The following MGMT variants were observed in gnomAD, a reference collection of about 807,000 sequenced individuals.
The protein encoded by MGMT is O-6-methylguanine-DNA methyltransferase.
Under a neutral mutation model 15.9 loss-of-function variants are expected in MGMT, and 14 were observed. The ratio of observed to expected loss-of-function variants is 0.88; its 90% CI spans 0.58 to 1.37. MGMT has a LOEUF of 1.37. Among genes scored for constraint, MGMT ranks in the 40% most tolerant of loss-of-function variants. The pLI is 0.00. For synonymous variants in MGMT, 130 were observed against 118.2 expected, an observed-to-expected ratio of 1.10 and a Z score of -0.65; for missense variants, 282 against 268.1, an observed-to-expected ratio of 1.05 and a Z score of -0.36.
chr10:129,738,019 C>G (rs1394312363), intron 3 of MGMT, among the ~76,000 whole-genome samples: 3 of 152,214 alleles, frequency 2.0e-5, no homozygotes, highest in African/African-American at 7.2e-5. Context: ...TGGTCTGTGC[C>G]CTGCCCCCAG....
chr10:129,645,118 CTTTTT>C (rs10606297), intron 2 of MGMT, among the ~76,000 whole-genome samples: 2 of 121,940 alleles, frequency 1.6e-5, no homozygotes, highest in East Asian at 2.2e-4. Context: ...CCTGAAAGCC[CTTTTT>C]TTTTTTTTTT....
chr10:129,639,300 GA>G, intron 2 of MGMT, among the ~76,000 whole-genome samples: 1 of 152,240 alleles, frequency 6.6e-6, no homozygotes, highest in Admixed American at 6.5e-5. Context: ...GTTACATAGC[GA>G]TAAAGTATTC....
intron 3 of MGMT, among the ~76,000 whole-genome samples, chr10:129,716,887 T>C (rs1848305258): frequency 6.6e-6 from 1 of 152,178 alleles, no homozygotes; most frequent in Non-Finnish European, 1.5e-5. Flanking sequence ...AACAAAATGG[T>C]TTAAGCTACT....
chr10:129,475,588 G>A (rs1015681845), intron 1 of MGMT, among the ~76,000 whole-genome samples: 5 of 152,344 alleles, frequency 3.3e-5, no homozygotes, highest in Middle Eastern at 3.4e-3. Context: ...TCACCATTGT[G>A]TTATCATCAG....
intron 2 of MGMT, among the ~76,000 whole-genome samples, chr10:129,690,008 ATGTT>A (rs1191881143): frequency 2.0e-5 from 3 of 152,212 alleles, no homozygotes; most frequent in Non-Finnish European, 2.9e-5. Flanking sequence ...AGGTCTGTGA[ATGTT>A]TGTTGTTGAA....
At chr10:129,523,927 C>G (rs1039079955) in intron 1 of MGMT, among the ~76,000 whole-genome samples, 3 of 152,184 alleles carry the variant, frequency 2.0e-5, no homozygotes, top group Admixed American at 2.0e-4. Flanking sequence ...TAGAGACTGG[C>G]GGGGTCCCAG....
chr10:129,672,481 G>A (rs1032791124), intron 2 of MGMT, among the ~76,000 whole-genome samples: 6 of 151,938 alleles, frequency 3.9e-5, no homozygotes, highest in African/African-American at 1.2e-4. Context: ...TTTACGCATC[G>A]GTACACTTCC....
intron 2 of MGMT, among the ~76,000 whole-genome samples, chr10:129,611,267 C>T (rs938019448): frequency 6.6e-6 from 1 of 152,194 alleles, no homozygotes; most frequent in Non-Finnish European, 1.5e-5. Context: ...ACTTCTGCTT[C>T]TGGAGAGGCC....
chr10:129,760,372 T>C (rs923255243), intron 4 of MGMT, among the ~76,000 whole-genome samples: 1 of 152,194 alleles, frequency 6.6e-6, no homozygotes, highest in African/African-American at 2.4e-5. Flanking sequence ...GGCAGTGTCT[T>C]CTCCCGAAAG....
At chr10:129,603,496 A>G (rs1044542346) in intron 2 of MGMT, among the ~76,000 whole-genome samples, 25 of 152,300 alleles carry the variant, frequency 1.6e-4, no homozygotes, top group Admixed American at 1.3e-3. Flanking sequence ...CATCAACAAC[A>G]TTGCTGTCTT....
Position 129,673,614 on chromosome 10 carries a change from C to G in MGMT, c.126-34281C>G, listed in dbSNP as rs769016141. Among the ~76,000 whole-genome samples, 5 of 152,062 alleles carry G rather than the reference C, an allele frequency of 3.3e-5. No individual in the cohort carries two copies. The South Asian group carries it at 6.2e-4, about 19-fold the overall frequency. On this transcript the variant is annotated intron_variant, in intron 2 of 4. Coordinates refer to ENST00000651593, the MANE Select transcript of MGMT (RefSeq NM_002412.5). Reference sequence around the variant, plus strand: ...AGGTGAGCACTGGCCAAGGACCAGCCCTCTGGTTCTGTCCACATCGGCTTG... The same window carrying G: ...AGGTGAGCACTGGCCAAGGACCAGCGCTCTGGTTCTGTCCACATCGGCTTG...
At chr10:129,540,176 T>C (rs912237965) in intron 2 of MGMT, among the ~76,000 whole-genome samples, 4 of 152,240 alleles carry the variant, frequency 2.6e-5, no homozygotes, top group Admixed American at 6.5e-5. Context: ...GTTGAAACTT[T>C]TTAACCTTTT....
At chr10:129,596,083 T>TCC (rs1169285983) in intron 2 of MGMT, among the ~76,000 whole-genome samples, 1 of 145,984 alleles carries the variant, frequency 6.9e-6, no homozygotes, top group Admixed American at 6.8e-5. Flanking sequence ...ATTGCTTACT[T>TCC]CCCCCTGCCC....
chr10:129,750,937 A>G (rs1564784753), intron 3 of MGMT, among the ~76,000 whole-genome samples: 1 of 151,916 alleles, frequency 6.6e-6, no homozygotes, highest in Non-Finnish European at 1.5e-5. Context: ...TTCTTTTTAT[A>G]TATTGCTGGA....
At chr10:129,487,246 G>C (rs1845417889) in intron 1 of MGMT, among the ~76,000 whole-genome samples, 1 of 152,122 alleles carries the variant, frequency 6.6e-6, no homozygotes, top group African/African-American at 2.4e-5. Flanking sequence ...CAGAATGGAA[G>C]AAGTCATGAT....
intron 2 of MGMT, among the ~76,000 whole-genome samples, chr10:129,544,323 G>A (rs1056069008): frequency 1.3e-5 from 2 of 152,200 alleles, no homozygotes; most frequent in African/African-American, 2.4e-5. Flanking sequence ...AGCCAGCATC[G>A]GCGTCTGTTC....
At chr10:129,754,613 T>C (rs190775359) in intron 3 of MGMT, among the ~76,000 whole-genome samples, 1 of 152,290 alleles carries the variant, frequency 6.6e-6, no homozygotes, top group Non-Finnish European at 1.5e-5. Context: ...ATCTAGGTAA[T>C]TGATAAAGAA....
At chr10:129,706,604 C>T (rs971762730) in intron 2 of MGMT, among the ~76,000 whole-genome samples, 9 of 152,230 alleles carry the variant, frequency 5.9e-5, no homozygotes, top group East Asian at 1.9e-4. Flanking sequence ...GGAAGCATGC[C>T]GTTTGTCTGG....
chr10:129,666,942 T>G (rs1185969723), intron 2 of MGMT, among the ~76,000 whole-genome samples: 1 of 152,222 alleles, frequency 6.6e-6, no homozygotes, highest in African/African-American at 2.4e-5. Context: ...TGAAAACCAG[T>G]GCATGTTGAA....
Sources: gnomAD v4.1 joint callset for allele counts (sites outside exome capture counted in the v4.1 genomes callset) on GRCh38, gnomAD v4.1.1 for gene constraint, MANE v1.5 for transcripts, NCBI Gene and HGNC (gene_info 2026-07-23, HGNC 2026-07-21) for gene names.